BCAR3: variants seen among roughly 807,000 people sequenced by gnomAD.
BCAR3 encodes BCAR3 adaptor protein, NSP family member.
In BCAR3, 37 loss-of-function variants were observed where a neutral mutation model predicts 80.1. The observed-to-expected ratio is 0.46, with a 90% CI of 0.36 to 0.61. The LOEUF (loss-of-function observed/expected upper bound fraction) is 0.61. BCAR3 is among the 20% of genes least tolerant of loss of function. BCAR3 has a pLI of 0.00. For missense variants in BCAR3, 978 were observed against 1,068.2 expected, an observed-to-expected ratio of 0.92 and a Z score of 1.18; for synonymous variants, 389 against 418.9, an observed-to-expected ratio of 0.93 and a Z score of 0.87.
chr1:93,567,617 A>G, intron 10 of BCAR3, 123 bp downstream of exon 10: 1 of 1,397,250 alleles, frequency 7.2e-7, no homozygotes, highest in Non-Finnish European at 9.9e-7. Context: ...CTGTCATCTG[A>G]TAAAAGCCCT....
intron 2 of BCAR3, among the ~76,000 whole-genome samples, chr1:93,748,657 A>C (rs1269518062): frequency 6.6e-6 from 1 of 152,212 alleles, no homozygotes; most frequent in Non-Finnish European, 1.5e-5. Context: ...TACTGTCTGC[A>C]CAATTAAAAG....
At chr1:93,796,399 G>A (rs1383938151) in intron 2 of BCAR3, among the ~76,000 whole-genome samples, 2 of 145,644 alleles carry the variant, frequency 1.4e-5, no homozygotes, top group Non-Finnish European at 3.0e-5. Context: ...GCAATATTCG[G>A]GTGGGAGTGA....
In BCAR3 at chr1:93,632,000, A is replaced by T. The variant is rs548389766; in HGVS notation, c.357+10304T>A. ...AGGCAGGAGCAGTCAGGGTTCAAGT[A>T]CCCATGCTGCCCCCACACACCTGTT... On this transcript the variant is annotated intron_variant, in intron 3 of 11. Transcript: ENST00000260502. Among the ~76,000 whole-genome samples, 5 of 152,232 alleles carry T rather than the reference A, an allele frequency of 3.3e-5. No homozygotes were observed. In the South Asian group the frequency reaches 1.0e-3, roughly 32 times the overall value.
At chr1:93,692,479 A>C (rs2101964704) in intron 3 of BCAR3, among the ~76,000 whole-genome samples, 1 of 152,362 alleles carries the variant, frequency 6.6e-6, no homozygotes, top group African/African-American at 2.4e-5. Flanking sequence ...TGATGGGGGA[A>C]ACACAAACTA....
At chr1:93,618,099 G>A (rs775342290) in intron 3 of BCAR3, among the ~76,000 whole-genome samples, 11 of 152,154 alleles carry the variant, frequency 7.2e-5, no homozygotes, top group Non-Finnish European at 1.5e-4. Context: ...GCCAGGCTCA[G>A]TAGCTACAGA....
intron 2 of BCAR3, among the ~76,000 whole-genome samples, chr1:93,764,841 G>T (rs1198234776): frequency 6.6e-6 from 1 of 152,122 alleles, no homozygotes; most frequent in Admixed American, 6.5e-5. Context: ...GAGCACTTCT[G>T]CCTCCTAAGT....
At position 93,716,812 on chromosome 1, in the gene BCAR3, T is replaced by C. The variant is rs148734726; in HGVS notation, c.-62-10670A>G. 2.0e-3 allele frequency among the ~76,000 whole-genome samples: 301 copies of C among 152,342 alleles called. 1 individual carries two copies. Among genetic ancestry groups the C allele is most frequent in the Middle Eastern group, 3.4e-3 (1 of 294 alleles). On this transcript the variant is annotated intron_variant, in intron 2 of 13. Transcript: ENST00000370244. The stretch of plus-strand genomic sequence containing the variant: ...CCCTCCTCATTGGCTGAGGGCTGAC[T>C]GGAGGGCATCCACTCTGATCTTCTA...
chr1:93,610,685 C>T (rs1674920501), intron 3 of BCAR3, among the ~76,000 whole-genome samples: 1 of 152,174 alleles, frequency 6.6e-6, no homozygotes, highest in African/African-American at 2.4e-5. Context: ...GTGGCTCACA[C>T]CTGTAATCCC....
chr1:93,673,422 C>T lies in BCAR3; in HGVS notation c.317+1192G>A, dbSNP rs536533932. Among the ~76,000 whole-genome samples the T allele has an allele frequency of 2.0e-5, 3 of 152,310 alleles. No homozygotes were observed. In the South Asian group the frequency reaches 6.2e-4, roughly 32 times the overall value. ...GACTGAGCAGAATTTTCCTGGTAAG[C>T]CCTGGGGCTTATGAAATCAACATAC... On this transcript the variant is annotated intron_variant, in intron 2 of 11. Transcript: ENST00000260502.
chr1:93,659,145 G>C (rs1410164251), intron 2 of BCAR3, among the ~76,000 whole-genome samples: 3 of 152,184 alleles, frequency 2.0e-5, no homozygotes, highest in South Asian at 4.1e-4. Flanking sequence ...CTGGGGATAA[G>C]AGGGAATGAA....
At chr1:93,597,202 G>A (rs532226297) in intron 3 of BCAR3, among the ~76,000 whole-genome samples, 5 of 152,186 alleles carry the variant, frequency 3.3e-5, no homozygotes, top group Admixed American at 6.5e-5. Flanking sequence ...CCACTCACAT[G>A]GCCCCACTTC....
intron 2 of BCAR3, among the ~76,000 whole-genome samples, chr1:93,652,141 C>G (rs1676345107): frequency 6.6e-6 from 1 of 152,216 alleles, no homozygotes; most frequent in South Asian, 2.1e-4. Flanking sequence ...GTGAACCCAG[C>G]AAGGCCTGCT....
At chr1:93,778,851 C>T (rs1183997696) in intron 2 of BCAR3, among the ~76,000 whole-genome samples, 2 of 152,194 alleles carry the variant, frequency 1.3e-5, no homozygotes, top group African/African-American at 2.4e-5. Flanking sequence ...TCTCATTAAA[C>T]CATTATACAA....
intron 3 of BCAR3, among the ~76,000 whole-genome samples, chr1:93,635,695 A>T (rs1194767838): frequency 6.6e-6 from 1 of 152,140 alleles, no homozygotes; most frequent in Non-Finnish European, 1.5e-5. Context: ...CCCACAGGGG[A>T]TGGCGCTGGC....
Position 93,749,886 on chromosome 1 carries a change from C to CT in BCAR3, c.-62-43745dup, listed in dbSNP as rs754541949. On this transcript the variant is annotated intron_variant, in intron 2 of 13. Coordinates refer to the BCAR3 transcript ENST00000370244. The stretch of plus-strand genomic sequence containing the variant: ...GTAATTTGCTTAAAGATGATCTTGA[C>CT]TTATTTTTTTTTTTTTTTTGCTTCT... Among the ~76,000 whole-genome samples the CT allele has an allele frequency of 1.7e-3, 235 of 140,418 alleles. 8 individuals are homozygous for CT. The highest frequency in any genetic ancestry group is 5.8e-3 in the African/African-American group (213 of 36,764). The allele number at this position is 140,418 out of a possible 152,430, so 92.1% of individuals were successfully genotyped here. A position where few individuals can be genotyped will look rare whatever the true frequency, so the allele number is the denominator to read the frequency against.
At chr1:93,644,560 C>T (rs574650835) in intron 2 of BCAR3, among the ~76,000 whole-genome samples, 1 of 152,360 alleles carries the variant, frequency 6.6e-6, no homozygotes, top group Admixed American at 6.5e-5. Context: ...GCCCCAACCA[C>T]CAGGGGCACA....
At chr1:93,658,013 T>TC (rs1264680608) in intron 2 of BCAR3, among the ~76,000 whole-genome samples, 2 of 151,698 alleles carry the variant, frequency 1.3e-5, no homozygotes, top group African/African-American at 4.8e-5. Context: ...TGATCCTGGC[T>TC]CACTGTAACC....
chr1:93,699,647 C>T (rs1468273360), intron 3 of BCAR3, among the ~76,000 whole-genome samples: 1 of 152,120 alleles, frequency 6.6e-6, no homozygotes. Flanking sequence ...CCTTTCAACC[C>T]ACTGCTCAAA....
chr1:93,845,920 T>C (rs1281204692), intron 1 of BCAR3, among the ~76,000 whole-genome samples: 2 of 152,168 alleles, frequency 1.3e-5, no homozygotes, highest in East Asian at 1.9e-4. Flanking sequence ...TAGTCTTTTA[T>C]CTCTGACTCA....
Sources: gnomAD v4.1 joint callset for allele counts (sites outside exome capture counted in the v4.1 genomes callset) on GRCh38, gnomAD v4.1.1 for gene constraint, MANE v1.5 for transcripts, NCBI Gene and HGNC (gene_info 2026-07-23, HGNC 2026-07-21) for gene names.